TAFA5: variants seen among roughly 807,000 people sequenced by gnomAD.
TAFA5 encodes TAFA chemokine like family member 5.
TAFA5 carries 6 observed loss-of-function variants against 15.3 expected under a neutral mutation model. That is an observed-to-expected ratio of 0.39 (90% CI 0.21 to 0.77). The LOEUF is 0.77. Among genes scored for constraint, TAFA5 ranks in the 30% least tolerant of loss-of-function variants. The pLI, the probability that TAFA5 is intolerant of heterozygous loss-of-function variation, is 0.41. For synonymous variants in TAFA5, 103 were observed against 80.7 expected, an observed-to-expected ratio of 1.28 and a Z score of -1.48; for missense variants, 161 against 193.1, an observed-to-expected ratio of 0.83 and a Z score of 0.98.
intron 3 of TAFA5, among the ~76,000 whole-genome samples, chr22:48,731,104 A>C (rs914108169): frequency 6.6e-6 from 1 of 152,240 alleles, no homozygotes; most frequent in Non-Finnish European, 1.5e-5. Flanking sequence ...AGAAAGTTTT[A>C]ATGGTCTGGA....
chr22:48,700,025 C>T (rs141718924), intron 2 of TAFA5, among the ~76,000 whole-genome samples: 188 of 152,174 alleles, frequency 1.2e-3, no homozygotes, highest in African/African-American at 3.2e-3. Context: ...TGAATGTGCA[C>T]GAGTACACGC....
At chr22:48,582,249 T>C (rs1174428230) in intron 1 of TAFA5, among the ~76,000 whole-genome samples, 1 of 150,770 alleles carries the variant, frequency 6.6e-6, no homozygotes, top group Non-Finnish European at 1.5e-5. Context: ...ACGCATACCA[T>C]ACACCCCACA....
intron 1 of TAFA5, among the ~76,000 whole-genome samples, chr22:48,638,156 G>A (rs1926518897): frequency 6.6e-6 from 1 of 152,086 alleles, no homozygotes; most frequent in African/African-American, 2.4e-5. Context: ...CAGTCCAGTT[G>A]CTGGCGTTGC....
intron 1 of TAFA5, among the ~76,000 whole-genome samples, chr22:48,574,990 G>A (rs1923711137): frequency 6.6e-6 from 1 of 152,212 alleles, no homozygotes; most frequent in Non-Finnish European, 1.5e-5. Context: ...GCTGGAGGGT[G>A]GTACACAGTA....
intron 1 of TAFA5, among the ~76,000 whole-genome samples, chr22:48,633,527 TGTCTGTCTCTCC>T (rs1174286732): frequency 0.096 from 11,833 of 123,030 alleles, 693 homozygotes; most frequent in East Asian, 0.2. Context: ...TCTGTCTGTC[TGTCTGTCTCTCC>T]CTCTCTCTCT....
chr22:48,531,216 A>G (rs996884913), intron 1 of TAFA5, among the ~76,000 whole-genome samples: 2 of 152,050 alleles, frequency 1.3e-5, no homozygotes, highest in African/African-American at 2.4e-5. Context: ...CCTTGCATGG[A>G]GCTCAGATGT....
intron 1 of TAFA5, among the ~76,000 whole-genome samples, chr22:48,505,876 A>G (rs1920989608): frequency 6.6e-6 from 1 of 152,224 alleles, no homozygotes; most frequent in Admixed American, 6.5e-5. Flanking sequence ...GCTCCTGTGG[A>G]CAAGTCCATA....
intron 2 of TAFA5, among the ~76,000 whole-genome samples, chr22:48,704,844 G>A (rs898876375): frequency 6.6e-6 from 1 of 152,058 alleles, no homozygotes; most frequent in East Asian, 1.9e-4. Flanking sequence ...ATTTTCTCAC[G>A]GTTCTGGAGG....
chr22:48,557,770 G>A (rs1248733620), intron 1 of TAFA5, among the ~76,000 whole-genome samples: 1 of 152,206 alleles, frequency 6.6e-6, no homozygotes, highest in East Asian at 1.9e-4. Context: ...GGCGGTGATG[G>A]GCGATCATTG....
At chr22:48,720,177 G>T (rs1929528014) in intron 3 of TAFA5, among the ~76,000 whole-genome samples, 1 of 152,130 alleles carries the variant, frequency 6.6e-6, no homozygotes, top group Non-Finnish European at 1.5e-5. Context: ...GGATTTCCTG[G>T]TGCCCCCTAC....
chr22:48,593,016 C>T (rs981939833), intron 1 of TAFA5, among the ~76,000 whole-genome samples: 1 of 151,516 alleles, frequency 6.6e-6, no homozygotes, highest in African/African-American at 2.4e-5. Context: ...CTGAGTGGGG[C>T]GGGGGGGTCT....
chr22:48,751,459 A>G lies in TAFA5; in HGVS notation c.*1612A>G, dbSNP rs1601717526. 1 of 152,454 alleles carries G rather than the reference A, an allele frequency of 6.6e-6. No individual in the cohort carries two copies. The highest frequency in any genetic ancestry group is 1.9e-4 in the East Asian group (1 of 5,194). The allele number at this position is 152,454 out of a possible 1,614,324, so 9.4% of individuals were successfully genotyped here. A position where few individuals can be genotyped will look rare whatever the true frequency, so the allele number is the denominator to read the frequency against. ...TATACTACCTATGAGTCCAATTAAC[A>G]TGAGTATTATGCTAGTTCTATCCTA... is the stretch of plus-strand genomic sequence containing the variant. On this transcript the variant is annotated 3_prime_UTR_variant, in exon 4 of 4. Transcript: ENST00000402357.
At chr22:48,726,842 G>A (rs995454071) in intron 3 of TAFA5, among the ~76,000 whole-genome samples, 1 of 152,178 alleles carries the variant, frequency 6.6e-6, no homozygotes, top group Non-Finnish European at 1.5e-5. Flanking sequence ...ATTCAACCCC[G>A]GATCTGGAGC....
chr22:48,521,907 G>A (rs1035004383), intron 1 of TAFA5, among the ~76,000 whole-genome samples: 6 of 150,718 alleles, frequency 4.0e-5, no homozygotes, highest in African/African-American at 1.2e-4. Flanking sequence ...GGGAGGTGGA[G>A]CTGTAGCTCC....
At chr22:48,564,528 G>T (rs909380072) in intron 1 of TAFA5, among the ~76,000 whole-genome samples, 1 of 152,222 alleles carries the variant, frequency 6.6e-6, no homozygotes, top group Non-Finnish European at 1.5e-5. Context: ...CCTTCTGGAT[G>T]GCCAGTCAGC....
At chr22:48,588,797 G>A (rs1924453890) in intron 1 of TAFA5, among the ~76,000 whole-genome samples, 1 of 152,172 alleles carries the variant, frequency 6.6e-6, no homozygotes, top group Non-Finnish European at 1.5e-5. Flanking sequence ...TCAGGAATCT[G>A]TGGGAAGACC....
intron 1 of TAFA5, among the ~76,000 whole-genome samples, chr22:48,570,644 G>A (rs1923551142): frequency 6.6e-6 from 1 of 152,306 alleles, no homozygotes; most frequent in African/African-American, 2.4e-5. Flanking sequence ...GAAAAACACG[G>A]AGGGCCTACT....
chr22:48,504,522 G>C (rs1920974890), intron 1 of TAFA5, among the ~76,000 whole-genome samples: 1 of 139,188 alleles, frequency 7.2e-6, no homozygotes, highest in Non-Finnish European at 1.5e-5. Context: ...CGTGAGTCCG[G>C]GCACCTTGCT....
intron 1 of TAFA5, among the ~76,000 whole-genome samples, chr22:48,503,722 G>T (rs534692430): frequency 2.8e-4 from 42 of 152,334 alleles, no homozygotes; most frequent in Non-Finnish European, 5.4e-4. Context: ...ATCATTTTGA[G>T]GTTCTCAGAT....
Sources: allele counts gnomAD v4.1 joint callset (sites outside exome capture counted in the v4.1 genomes callset), GRCh38; gene constraint gnomAD v4.1.1; transcripts MANE v1.5; gene names NCBI Gene and HGNC (gene_info 2026-07-23, HGNC 2026-07-21).